CACNA1E: variants seen among roughly 807,000 people sequenced by gnomAD.
The protein encoded by CACNA1E is calcium voltage-gated channel subunit alpha1 E.
Under a neutral mutation model 259.2 loss-of-function variants are expected in CACNA1E, and 40 were observed. The ratio of observed to expected loss-of-function variants is 0.15; its 90% CI spans 0.12 to 0.20. CACNA1E has a LOEUF of 0.20. Ranked by LOEUF, CACNA1E falls within the 10% of genes least tolerant of loss-of-function variation. The pLI is 1.00. For synonymous variants in CACNA1E, 1,104 were observed against 1,138.5 expected (o/e 0.97, Z 0.61); for missense variants, 1,874 against 3,040.1 (o/e 0.62, Z 9.02).
chr1:181,647,802 C>G (rs1215448760), intron 6 of CACNA1E, among the ~76,000 whole-genome samples: 2 of 152,154 alleles, frequency 1.3e-5, no homozygotes, highest in African/African-American at 4.8e-5. Flanking sequence ...TCCCTTTGTC[C>G]TACCGGGTGT....
intron 6 of CACNA1E, among the ~76,000 whole-genome samples, chr1:181,595,313 C>G (rs950880562): frequency 1.5e-4 from 23 of 152,262 alleles, no homozygotes; most frequent in Admixed American, 3.9e-4. Flanking sequence ...TGGCTGCCAC[C>G]AGCTGCCTTA....
At chr1:181,575,704 C>T (rs947111655) in intron 3 of CACNA1E, among the ~76,000 whole-genome samples, 1 of 152,122 alleles carries the variant, frequency 6.6e-6, no homozygotes, top group African/African-American at 2.4e-5. Context: ...TCCTAGGAAA[C>T]AGAAGTCTAA....
chr1:181,379,911 A>G (rs1655346142), intron 1 of CACNA1E, among the ~76,000 whole-genome samples: 1 of 151,174 alleles, frequency 6.6e-6, no homozygotes, highest in South Asian at 2.1e-4. Context: ...AAACAATGCA[A>G]ATGGGAAGTC....
chr1:181,593,690 C>T (rs923640779), intron 6 of CACNA1E, among the ~76,000 whole-genome samples: 1 of 152,120 alleles, frequency 6.6e-6, no homozygotes, highest in Non-Finnish European at 1.5e-5. Context: ...AGGCACCCAC[C>T]ACCACACCCA....
chr1:181,388,568 A>G (rs1201765333), intron 1 of CACNA1E, among the ~76,000 whole-genome samples: 2 of 152,218 alleles, frequency 1.3e-5, no homozygotes, highest in Non-Finnish European at 2.9e-5. Context: ...ATAAACATAT[A>G]TAAGCATAGA....
chr1:181,754,720 T>A (rs1466999802), intron 27 of CACNA1E, among the ~76,000 whole-genome samples: 1 of 152,248 alleles, frequency 6.6e-6, no homozygotes, highest in African/African-American at 2.4e-5. Context: ...TGAACTTGCC[T>A]ATGAAATATT....
At chr1:181,425,535 C>T (rs1175250044) in intron 2 of CACNA1E, among the ~76,000 whole-genome samples, 1 of 118,888 alleles carries the variant, frequency 8.4e-6, no homozygotes, top group Non-Finnish European at 1.7e-5. Context: ...CCCCGCTCCC[C>T]CCCCCGACCC....
chr1:181,450,482 A>G (rs1028213832), intron 2 of CACNA1E, among the ~76,000 whole-genome samples: 21 of 152,022 alleles, frequency 1.4e-4, no homozygotes, highest in Admixed American at 8.5e-4. Context: ...AAGGGGTTCA[A>G]GAAGAAGGAA....
intron 6 of CACNA1E, among the ~76,000 whole-genome samples, chr1:181,640,040 G>A (rs3845438): frequency 0.18 from 26,701 of 152,146 alleles, 2,426 homozygotes; most frequent in South Asian, 0.27. Context: ...CGGCATCAGT[G>A]TCCCTCACAG....
Position 181,495,930 on chromosome 1 carries a change from C to G in CACNA1E, c.266+11920C>G, listed in dbSNP as rs60708065. 2.8e-4 allele frequency among the ~76,000 whole-genome samples: 43 copies of G among 152,250 alleles called. No homozygotes were observed. In the East Asian group the frequency reaches 6.9e-3, roughly 25 times the overall value. ...ATTGCATTGATTCTTCATGACAATCCTACAGAGATAGGCATTCTTGTTTTC... is the reference window on the plus strand; with the variant it reads ...ATTGCATTGATTCTTCATGACAATCGTACAGAGATAGGCATTCTTGTTTTC... On this transcript the variant is annotated intron_variant, in intron 1 of 47. Coordinates refer to ENST00000367573, the MANE Select transcript of CACNA1E (RefSeq NM_001205293.3).
At position 181,732,036 on chromosome 1, in the gene CACNA1E, G is replaced by A. The variant is rs1655533165; in HGVS notation, c.2298-348G>A. Among the ~76,000 whole-genome samples, 1 of 151,804 alleles carries A rather than the reference G, an allele frequency of 6.6e-6. No homozygotes were observed. Among genetic ancestry groups the A allele is most frequent in the Non-Finnish European group, 1.5e-5 (1 of 67,978 alleles). The stretch of plus-strand genomic sequence containing the variant: ...TTGAGTGTGTACAAGCAGATGCCCC[G>A]AAAGCAAGGAGAGCAGGGGAGTGAA... On this transcript the variant is annotated intron_variant, in intron 19 of 47. Transcript: ENST00000367573. The surrounding 1 kb of genome is among the most constrained non-coding windows in gnomAD (Gnocchi z 5.5).
intron 2 of CACNA1E, among the ~76,000 whole-genome samples, chr1:181,464,377 T>C (rs186194981): frequency 2.0e-5 from 3 of 152,168 alleles, no homozygotes; most frequent in Admixed American, 2.0e-4. Flanking sequence ...TATTTCTTCT[T>C]ATGTTTAGAG....
chr1:181,660,492 C>G (rs902178702), intron 7 of CACNA1E, among the ~76,000 whole-genome samples: 5 of 152,128 alleles, frequency 3.3e-5, no homozygotes, highest in African/African-American at 1.2e-4. Context: ...TGTTGGGTTC[C>G]TACTATCTTG....
chr1:181,751,449 G>A (rs1429842320), intron 26 of CACNA1E, among the ~76,000 whole-genome samples: 6 of 152,154 alleles, frequency 3.9e-5, no homozygotes, highest in Admixed American at 3.9e-4. Context: ...AAGGGACTGC[G>A]GGAACAGCCA....
At chr1:181,616,971 GTCTC>G (rs1655275939) in intron 6 of CACNA1E, among the ~76,000 whole-genome samples, 1 of 152,082 alleles carries the variant, frequency 6.6e-6, no homozygotes, top group South Asian at 2.1e-4. Flanking sequence ...AGCTCATAAT[GTCTC>G]CTTATTATCT....
intron 7 of CACNA1E, among the ~76,000 whole-genome samples, chr1:181,677,259 AT>A (rs1244032104): frequency 6.6e-6 from 1 of 152,038 alleles, no homozygotes; most frequent in Non-Finnish European, 1.5e-5. Context: ...GAAACTGATT[AT>A]TTTTTGTCTT....
At chr1:181,789,441 T>C (rs1271911998) in intron 43 of CACNA1E, among the ~76,000 whole-genome samples, 1 of 152,168 alleles carries the variant, frequency 6.6e-6, no homozygotes, top group African/African-American at 2.4e-5. Context: ...GAGTTTTCCA[T>C]TGGATGCAGA....
chr1:181,585,603 G>A (rs1170487966), intron 6 of CACNA1E, among the ~76,000 whole-genome samples: 1 of 152,188 alleles, frequency 6.6e-6, no homozygotes, highest in Admixed American at 6.5e-5. Context: ...GAACTTGGTT[G>A]CAATTTTAAA....
At chr1:181,594,815 G>C (rs754774618) in intron 6 of CACNA1E, among the ~76,000 whole-genome samples, 10 of 152,182 alleles carry the variant, frequency 6.6e-5, no homozygotes, top group African/African-American at 1.7e-4. Flanking sequence ...TCAGTACTTA[G>C]TGCATACAAT....
Sources: gnomAD v4.1 joint callset for allele counts (sites outside exome capture counted in the v4.1 genomes callset) on GRCh38, gnomAD v4.1.1 for gene constraint, Gnocchi (gnomAD v3.1) non-coding constraint, MANE v1.5 for transcripts, NCBI Gene and HGNC (gene_info 2026-07-23, HGNC 2026-07-21) for gene names.